KDM2A: variants seen among roughly 807,000 people sequenced by gnomAD.
The protein encoded by KDM2A is lysine-specific demethylase 2A.
KDM2A carries 3 observed loss-of-function variants against 137.3 expected under a neutral mutation model. The ratio of observed to expected loss-of-function variants is 0.02; its 90% CI spans 0.01 to 0.06. KDM2A has a LOEUF of 0.06. Ranked by LOEUF, KDM2A falls within the 10% of genes least tolerant of loss-of-function variation. KDM2A has a pLI of 1.00. For missense variants in KDM2A, 738 were observed against 1,510.6 expected, an observed-to-expected ratio of 0.49 and a Z score of 8.48; for synonymous variants, 512 against 541.5, an observed-to-expected ratio of 0.95 and a Z score of 0.76.
At chr11:67,216,062 A>T in intron 8 of KDM2A, 113 bp downstream of exon 8, 1 of 811,564 alleles carries the variant, frequency 1.2e-6, no homozygotes, top group Non-Finnish European at 2.1e-6. Flanking sequence ...AATTGTCCCC[A>T]TTCGTATCTG....
At chr11:67,180,832 T>A (rs75919687) in intron 3 of KDM2A, among the ~76,000 whole-genome samples, 12 of 151,940 alleles carry the variant, frequency 7.9e-5, no homozygotes, top group East Asian at 3.9e-4. Flanking sequence ...TTTTTTTTTT[T>A]TATACTTTTA....
intron 2 of KDM2A, among the ~76,000 whole-genome samples, chr11:67,145,998 G>GTTTTTTT (rs552846225): frequency 2.5e-5 from 3 of 122,264 alleles, no homozygotes; most frequent in African/African-American, 6.3e-5. Context: ...GTTTTTTTTT[G>GTTTTTTT]TTTTTTTTTT....
intron 2 of KDM2A, among the ~76,000 whole-genome samples, chr11:67,179,499 C>A (rs12365685): frequency 6.6e-6 from 1 of 152,268 alleles, no homozygotes; most frequent in East Asian, 1.9e-4. Context: ...TCTCTAATCT[C>A]GAACTCCCGA....
intron 5 of KDM2A, among the ~76,000 whole-genome samples, chr11:67,191,963 G>A (rs1857365504): frequency 6.6e-6 from 1 of 152,140 alleles, no homozygotes; most frequent in Non-Finnish European, 1.5e-5. Flanking sequence ...CTTCTATCAT[G>A]TGCATCTTTA....
At chr11:67,186,549 C>T (rs193290965) in intron 5 of KDM2A, among the ~76,000 whole-genome samples, 3 of 152,290 alleles carry the variant, frequency 2.0e-5, no homozygotes, top group Admixed American at 2.0e-4. Flanking sequence ...TAGATTGTAA[C>T]TTGAAGCCAT....
At chr11:67,169,297 AT>A (rs112366319) in intron 2 of KDM2A, among the ~76,000 whole-genome samples, 38 of 145,628 alleles carry the variant, frequency 2.6e-4, no homozygotes, top group Non-Finnish European at 3.0e-4. Context: ...AATGCCCTAA[AT>A]TTTTTTTTTT....
In KDM2A at chr11:67,133,206, TCTC is replaced by T. The variant is rs1235179502; in HGVS notation, c.42+11851_42+11853del. ...TCTCCGCCTTCAGGGTTCAAGCACT[TCTC>T]CTGCCTCAGCCTCCCAGGTAGCTGG... On this transcript the variant is annotated intron_variant, in intron 2 of 20. Transcript: ENST00000529006. Among the ~76,000 whole-genome samples, 16 of 152,094 alleles carry T rather than the reference TCTC, an allele frequency of 1.1e-4. 1 individual carries two copies. Among genetic ancestry groups the T allele is most frequent in the East Asian group, 5.8e-4 (3 of 5,194 alleles).
intron 12 of KDM2A, among the ~76,000 whole-genome samples, chr11:67,241,790 C>T (rs1859050711): frequency 6.6e-6 from 1 of 152,162 alleles, no homozygotes; most frequent in African/African-American, 2.4e-5. Flanking sequence ...AAGATTTGGC[C>T]AGGTGCAGTG....
intron 5 of KDM2A, among the ~76,000 whole-genome samples, chr11:67,188,790 CA>C (rs1207477143): frequency 0.3 from 21,931 of 73,814 alleles, 1,870 homozygotes; most frequent in African/African-American, 0.45. Context: ...GACACTGTCT[CA>C]AAAAAAAAAA....
intron 2 of KDM2A, among the ~76,000 whole-genome samples, chr11:67,152,626 A>G (rs939906927): frequency 5.9e-5 from 9 of 151,942 alleles, no homozygotes; most frequent in Admixed American, 5.3e-4. Flanking sequence ...AAAATCCCTT[A>G]AAAATTGGCT....
chr11:67,207,908 G>A (rs1023307061), intron 6 of KDM2A, among the ~76,000 whole-genome samples: 5 of 152,100 alleles, frequency 3.3e-5, no homozygotes, highest in African/African-American at 1.2e-4. Flanking sequence ...GCACATGTCT[G>A]TAGTTCCAGC....
chr11:67,202,952 A>G (rs4271388), intron 5 of KDM2A, among the ~76,000 whole-genome samples: 144,378 of 150,286 alleles, frequency 0.96, 69,449 homozygotes, highest in Non-Finnish European at 0.99. Flanking sequence ...CTGTGATTGC[A>G]CCAGTGCACT....
intron 2 of KDM2A, among the ~76,000 whole-genome samples, chr11:67,161,256 T>C (rs1856631332): frequency 6.6e-6 from 1 of 152,224 alleles, no homozygotes; most frequent in Non-Finnish European, 1.5e-5. Context: ...TAGTGATGGC[T>C]GTGATGACAG....
chr11:67,236,457 G>GT (rs1858875033), intron 12 of KDM2A, among the ~76,000 whole-genome samples: 4 of 152,110 alleles, frequency 2.6e-5, no homozygotes, highest in Non-Finnish European at 1.5e-5. Context: ...TCAGATTGTT[G>GT]TTTTTGTTGG....
intron 2 of KDM2A, among the ~76,000 whole-genome samples, chr11:67,139,088 C>A (rs1204322325): frequency 6.6e-6 from 1 of 152,112 alleles, no homozygotes; most frequent in Non-Finnish European, 1.5e-5. Context: ...GCTTCTCCCC[C>A]CACCATGCTC....
At position 67,119,277 on chromosome 11, in the gene KDM2A, C is replaced by G. The variant is rs973690278; in HGVS notation, c.-856C>G. 6.4e-6 allele frequency: 1 copy of G among 155,322 alleles called. No individual in the cohort carries two copies. The highest frequency in any genetic ancestry group is 1.4e-5 in the Non-Finnish European group (1 of 70,164). The allele number at this position is 155,322 out of a possible 1,614,324, so 9.6% of individuals were successfully genotyped here. ...GAGCTGTGTGTATGTGAGAGTCTGA[C>G]GGGTTCAAAATGGCGGCGGCTGCTT... On this transcript the variant is annotated 5_prime_UTR_variant, in exon 1 of 21. Coordinates refer to ENST00000529006, the MANE Select transcript of KDM2A (RefSeq NM_012308.3).
chr11:67,230,411 T>G (rs1234463428), intron 11 of KDM2A, among the ~76,000 whole-genome samples: 1 of 152,120 alleles, frequency 6.6e-6, no homozygotes, highest in African/African-American at 2.4e-5. Flanking sequence ...AAGGCACACC[T>G]AAGTCCAAGA....
chr11:67,127,896 G>T (rs2136280507), intron 2 of KDM2A, among the ~76,000 whole-genome samples: 1 of 151,972 alleles, frequency 6.6e-6, no homozygotes, highest in Non-Finnish European at 1.5e-5. Flanking sequence ...GGTAGAGACG[G>T]GGTTTCACCA....
At chr11:67,208,768 CAAAA>C (rs530204253) in intron 6 of KDM2A, among the ~76,000 whole-genome samples, 2 of 67,564 alleles carry the variant, frequency 3.0e-5, no homozygotes, top group Admixed American at 1.7e-4. Context: ...GACCCTGTCT[CAAAA>C]AAAAAAAAAA....
Sources: gnomAD v4.1 joint callset for allele counts (sites outside exome capture counted in the v4.1 genomes callset) on GRCh38, gnomAD v4.1.1 for gene constraint, MANE v1.5 for transcripts, NCBI Gene and HGNC (gene_info 2026-07-23, HGNC 2026-07-21) for gene names.